Variants in TENM1 observed in about 807,000 individuals in gnomAD.
TENM1 encodes the protein teneurin transmembrane protein 1.
In TENM1, 35 loss-of-function variants were observed where a neutral mutation model predicts 174.8. The ratio of observed to expected loss-of-function variants is 0.20; its 90% CI spans 0.15 to 0.27. TENM1 has a LOEUF of 0.27. Among genes scored for constraint, TENM1 ranks in the 10% least tolerant of loss-of-function variants. The probability of loss-of-function intolerance (pLI) is 1.00; values close to 1 mark genes in which losing one functional copy is unlikely to be tolerated. For synonymous variants in TENM1, 781 were observed against 798.7 expected, an observed-to-expected ratio of 0.98 and a Z score of 0.37; for missense variants, 1,633 against 2,130.1, an observed-to-expected ratio of 0.77 and a Z score of 4.59.
chrX:124,550,456 G>A (rs765028283), intron 14 of TENM1, among the ~76,000 whole-genome samples: 11 of 111,977 alleles, frequency 9.8e-5, no homozygotes, highest in African/African-American at 2.9e-4. Context: ...GTACATCCAC[G>A]TATATTATCT....
At chrX:124,392,025 A>G (rs1188176200) in intron 28 of TENM1, 27 bp downstream of exon 31, 1 of 1,152,543 alleles carries the variant, frequency 8.7e-7, no homozygotes, top group South Asian at 2.0e-5. Context: ...GAAACTTGAA[A>G]CTTGTCTTTT....
the TENM1 span, among the ~76,000 whole-genome samples, chrX:125,187,247 A>C: frequency 8.9e-6 from 1 of 112,359 alleles, no homozygotes; most frequent in Non-Finnish European, 1.9e-5. Flanking sequence ...GCGACGGGGC[A>C]AGACTCTGTC....
intron 1 of TENM1, among the ~76,000 whole-genome samples, chrX:124,949,609 G>A (rs1476371250): frequency 2.7e-5 from 3 of 111,558 alleles, no homozygotes; most frequent in Admixed American, 9.5e-5. Flanking sequence ...CTCTAATGGA[G>A]ACTCACAGGC....
At chrX:124,563,697 A>C in intron 13 of TENM1, 52 bp downstream of exon 16, 1 of 1,053,398 alleles carries the variant, frequency 9.5e-7, no homozygotes, top group Non-Finnish European at 1.3e-6. Context: ...TTACATGCAT[A>C]TTTTCTTTTA....
At chrX:124,596,923 G>T (rs1162730735) in intron 11 of TENM1, among the ~76,000 whole-genome samples, 1 of 111,593 alleles carries the variant, frequency 9.0e-6, no homozygotes, top group Non-Finnish European at 1.9e-5. Context: ...ATGAAAAAAT[G>T]CTCAACATCA....
the TENM1 span, among the ~76,000 whole-genome samples, chrX:125,197,623 G>A: frequency 3.6e-5 from 4 of 111,358 alleles, no homozygotes; most frequent in African/African-American, 1.3e-4. Context: ...CACAGATATA[G>A]TCCAAGTAAC....
At chrX:124,586,954 T>A (rs996369149) in intron 11 of TENM1, among the ~76,000 whole-genome samples, 4 of 110,649 alleles carry the variant, frequency 3.6e-5, no homozygotes, top group African/African-American at 1.3e-4. Context: ...TCAAAGAGAA[T>A]AAAATACCTT....
the TENM1 span, among the ~76,000 whole-genome samples, chrX:125,030,661 G>A: frequency 9.0e-6 from 1 of 111,633 alleles, no homozygotes; most frequent in African/African-American, 3.2e-5. Flanking sequence ...ATTATATAGA[G>A]AATAACATTT....
At chrX:125,143,889 G>C in the TENM1 span, among the ~76,000 whole-genome samples, 1 of 111,467 alleles carries the variant, frequency 9.0e-6, no homozygotes, top group Non-Finnish European at 1.9e-5. Context: ...TTTTTTCATA[G>C]ATGTCCCTCA....
At chrX:124,609,805 A>G (rs2050242772) in intron 11 of TENM1, among the ~76,000 whole-genome samples, 1 of 111,779 alleles carries the variant, frequency 8.9e-6, no homozygotes, top group Non-Finnish European at 1.9e-5. Context: ...ACCCTGGAAT[A>G]TAAGATTGAT....
chrX:124,618,718 ATAT>A (rs948384337), intron 11 of TENM1, among the ~76,000 whole-genome samples: 9 of 111,893 alleles, frequency 8.0e-5, no homozygotes, highest in African/African-American at 2.9e-4. Flanking sequence ...CTTCATTTCC[ATAT>A]TACACACCTG....
chrX:124,999,347 A>T, the TENM1 span, among the ~76,000 whole-genome samples: 1 of 111,176 alleles, frequency 9.0e-6, no homozygotes, highest in South Asian at 3.8e-4. Context: ...TGTAGAAATC[A>T]GCATGTACTA....
chrX:124,817,102 T>C (rs112057108), intron 3 of TENM1, among the ~76,000 whole-genome samples: 4,213 of 110,729 alleles, frequency 0.038, 108 homozygotes, highest in African/African-American at 0.086. Flanking sequence ...TGTGTTCTCA[T>C]TGTTCAACTC....
chrX:124,658,136 A>G (rs746004227), intron 6 of TENM1, among the ~76,000 whole-genome samples: 29 of 111,901 alleles, frequency 2.6e-4, no homozygotes, highest in African/African-American at 7.8e-4. Context: ...AAAGGGGTAT[A>G]GCAAAAGCCA....
At chrX:124,774,487 A>G (rs370502232) in intron 3 of TENM1, among the ~76,000 whole-genome samples, 1 of 111,757 alleles carries the variant, frequency 8.9e-6, no homozygotes, top group African/African-American at 3.3e-5. Context: ...GATGATGGAG[A>G]ATATTCTAAG....
chrX:124,476,572 T>C (rs749341113), intron 22 of TENM1, among the ~76,000 whole-genome samples: 11 of 111,588 alleles, frequency 9.9e-5, no homozygotes, highest in Non-Finnish European at 1.7e-4. Context: ...AATAGAGATA[T>C]AACCCTTGGT....
In TENM1 at chrX:124,497,200, T is replaced by C. The variant is rs899507539; in HGVS notation, c.3511A>G (p.Ile1171Val). The C allele has an allele frequency of 1.2e-5, 15 of 1,207,023 alleles. No individual in the cohort carries two copies. In the African/African-American group the frequency reaches 1.8e-4, roughly 14 times the overall value. The change falls in exon 20 of 32, where the codon ATA becomes GTA. Residue 1171 changes from isoleucine to valine, a missense_variant. Ile to Val is a conservative substitution (Grantham distance 29, BLOSUM62 3). Coordinates refer to ENST00000422452, the Ensembl canonical transcript of TENM1. ...CTCCTTTGGTGTCCATTACCCATTA[T>C]GGTTGATATGACTGGGGGCTGCTGG... is the stretch of plus-strand genomic sequence containing the variant.
chrX:124,961,591 C>T (rs2058654803), intron 1 of TENM1, among the ~76,000 whole-genome samples: 1 of 111,157 alleles, frequency 9.0e-6, no homozygotes, highest in African/African-American at 3.3e-5. Context: ...TTGCAGTGAG[C>T]CAAGATCATG....
intron 27 of TENM1, among the ~76,000 whole-genome samples, chrX:124,403,877 C>T (rs938647062): frequency 9.0e-6 from 1 of 111,464 alleles, no homozygotes; most frequent in Admixed American, 9.5e-5. Flanking sequence ...GCTACCTGCT[C>T]TGCCCTGACT....
Sources: gnomAD v4.1 joint callset for allele counts (sites outside exome capture counted in the v4.1 genomes callset) on GRCh38, gnomAD v4.1.1 for gene constraint, MANE v1.5 for transcripts, NCBI Gene and HGNC (gene_info 2026-07-23, HGNC 2026-07-21) for gene names.